The following MRAP2 variants were observed in gnomAD, a reference collection of about 807,000 sequenced individuals.
The protein encoded by MRAP2 is melanocortin 2 receptor accessory protein 2.
In MRAP2, 20 loss-of-function variants were observed where a neutral mutation model predicts 17.4. The observed-to-expected ratio is 1.15, with a 90% CI of 0.81 to 1.67. MRAP2 has a LOEUF of 1.67. Among genes scored for constraint, MRAP2 ranks in the 40% most tolerant of loss-of-function variants. The pLI is 0.00. For synonymous variants in MRAP2, 96 were observed against 88.4 expected (o/e 1.09, Z -0.48); for missense variants, 238 against 240.0 (o/e 0.99, Z 0.05).
intron 1 of MRAP2, among the ~76,000 whole-genome samples, chr6:84,045,514 G>A (rs2099488766): frequency 6.6e-6 from 1 of 152,054 alleles, no homozygotes; most frequent in South Asian, 2.1e-4. Flanking sequence ...TGTGATTCTA[G>A]CACTTTGGGA....
chr6:84,132,108 T>C, the MRAP2 span, among the ~76,000 whole-genome samples: 3 of 152,202 alleles, frequency 2.0e-5, no homozygotes, highest in Non-Finnish European at 4.4e-5. Flanking sequence ...CGAAGCTTAG[T>C]TTGGCTGGAT....
the MRAP2 span, among the ~76,000 whole-genome samples, chr6:84,120,588 C>G: frequency 1.3e-5 from 2 of 152,110 alleles, no homozygotes; most frequent in Admixed American, 6.6e-5. Context: ...AACTGAAGAC[C>G]TGCCATGTAT....
chr6:84,041,495 G>A lies in MRAP2; in HGVS notation c.-8+7612G>A, dbSNP rs6899315. On this transcript the variant is annotated intron_variant, in intron 1 of 3. Transcript: ENST00000257776. Reference sequence around the variant, plus strand: ...GGTGGATCCACTGATAGCTTGCCCCGTGCACCTGGAAAAGCCACAGACACT... The same window carrying A: ...GGTGGATCCACTGATAGCTTGCCCCATGCACCTGGAAAAGCCACAGACACT... Among the ~76,000 whole-genome samples the A allele has an allele frequency of 7.5e-3, 1,148 of 152,314 alleles. 19 individuals carry two copies. The highest frequency in any genetic ancestry group is 0.026 in the African/African-American group (1,065 of 41,578).
intron 1 of MRAP2, 69 bp downstream of exon 1, chr6:84,033,952 G>C (rs2099485253): frequency 2.0e-6 from 2 of 980,566 alleles, no homozygotes; most frequent in Non-Finnish European, 2.4e-6. Flanking sequence ...GGCGCGTGCA[G>C]CTTTGGTCAA....
chr6:84,077,957 A>G (rs2099498017), intron 3 of MRAP2, among the ~76,000 whole-genome samples: 1 of 152,214 alleles, frequency 6.6e-6, no homozygotes, highest in South Asian at 2.1e-4. Context: ...TATGGGTAAT[A>G]TGACTAAGAA....
At chr6:84,064,574 G>A (rs545898588) in intron 3 of MRAP2, among the ~76,000 whole-genome samples, 4 of 152,078 alleles carry the variant, frequency 2.6e-5, no homozygotes, top group East Asian at 1.9e-4. Context: ...TGCAAGCTCC[G>A]CCTCCCGGGT....
chr6:84,049,984 G>A (rs2099490018), intron 1 of MRAP2, among the ~76,000 whole-genome samples: 1 of 151,000 alleles, frequency 6.6e-6, no homozygotes, highest in Admixed American at 6.6e-5. Context: ...GTGCATTCAT[G>A]TGTGTGTGTG....
At chr6:84,109,848 G>A in the MRAP2 span, among the ~76,000 whole-genome samples, 7 of 151,538 alleles carry the variant, frequency 4.6e-5, no homozygotes, top group East Asian at 1.9e-4. Context: ...GAGAACGTGC[G>A]GTGTTTGGTT....
the MRAP2 span, among the ~76,000 whole-genome samples, chr6:84,114,718 C>T: frequency 6.6e-6 from 1 of 152,100 alleles, no homozygotes; most frequent in African/African-American, 2.4e-5. Flanking sequence ...GATTTATCTA[C>T]CTTTGCTCTT....
intron 1 of MRAP2, among the ~76,000 whole-genome samples, chr6:84,050,130 T>G (rs1263719008): frequency 1.3e-5 from 2 of 152,018 alleles, no homozygotes; most frequent in African/African-American, 4.8e-5. Flanking sequence ...CCTTTTTTCT[T>G]TAATTGGAGG....
At chr6:84,056,892 A>G (rs1175725522) in intron 2 of MRAP2, among the ~76,000 whole-genome samples, 1 of 152,214 alleles carries the variant, frequency 6.6e-6, no homozygotes, top group African/African-American at 2.4e-5. Flanking sequence ...TGAGGATATT[A>G]CATTCTAGAA....
At chr6:84,072,440 C>T (rs1361120545) in intron 3 of MRAP2, among the ~76,000 whole-genome samples, 1 of 152,192 alleles carries the variant, frequency 6.6e-6, no homozygotes, top group Non-Finnish European at 1.5e-5. Context: ...TTATGGGTCT[C>T]TCAGCCATGG....
In MRAP2 at chr6:84,088,316, G is replaced by A. The variant is rs143425786; in HGVS notation, c.228-775G>A. Among the ~76,000 whole-genome samples, 1,021 of 152,242 alleles carry A rather than the reference G, an allele frequency of 6.7e-3. 14 individuals carry two copies. Among genetic ancestry groups the A allele is most frequent in the African/African-American group, 0.022 (920 of 41,548 alleles). On this transcript the variant is annotated intron_variant, in intron 3 of 3. Transcript: ENST00000257776. ...AGCTTACCTGGGCTCTTTCTTTCAC[G>A]CACTTGTGGGACTCATTGAGAGTTA...
the MRAP2 span, among the ~76,000 whole-genome samples, chr6:84,125,609 C>T: frequency 6.6e-6 from 1 of 152,104 alleles, no homozygotes; most frequent in Non-Finnish European, 1.5e-5. Flanking sequence ...ACTAGAGACA[C>T]CGAAGAGATC....
In MRAP2 at chr6:84,067,747, TCTTA is replaced by T. The variant is rs1394018210; in HGVS notation, c.227+4758_227+4761del. The stretch of plus-strand genomic sequence containing the variant: ...ATGGAATTGTTTTTTTTTTTTTTTT[TCTTA>T]CTGATTTGTTTGAGTTCGTTGTAGA... On this transcript the variant is annotated intron_variant, in intron 3 of 3. Coordinates refer to ENST00000257776, the MANE Select transcript of MRAP2 (RefSeq NM_138409.4). 2.9e-5 allele frequency among the ~76,000 whole-genome samples: 4 copies of T among 139,706 alleles called. No homozygotes were observed. In the East Asian group the frequency reaches 8.0e-4, roughly 28 times the overall value. 91.7% of individuals were successfully genotyped at this position (139,706 alleles called of 152,430 possible).
the MRAP2 span, among the ~76,000 whole-genome samples, chr6:84,105,280 C>A: frequency 1.3e-5 from 2 of 152,106 alleles, no homozygotes. Flanking sequence ...TAAAGACATG[C>A]CTGAGACTGG....
intron 1 of MRAP2, among the ~76,000 whole-genome samples, chr6:84,042,128 A>G (rs894837966): frequency 1.3e-5 from 2 of 152,178 alleles, no homozygotes; most frequent in African/African-American, 4.8e-5. Flanking sequence ...GTGAGTTCTC[A>G]TGAGAGCTGA....
chr6:84,097,673 TCTA>T, the MRAP2 span, among the ~76,000 whole-genome samples: 2 of 150,962 alleles, frequency 1.3e-5, no homozygotes, highest in Non-Finnish European at 1.5e-5. Context: ...ATAAAAAGAC[TCTA>T]CTAACTCTAA....
At chr6:84,036,285 CA>C (rs1280472441) in intron 1 of MRAP2, among the ~76,000 whole-genome samples, 2 of 151,894 alleles carry the variant, frequency 1.3e-5, no homozygotes, top group African/African-American at 4.8e-5. Flanking sequence ...TTTTAATAAA[CA>C]AAATGAAAAA....
Sources: allele counts gnomAD v4.1 joint callset (sites outside exome capture counted in the v4.1 genomes callset), GRCh38; gene constraint gnomAD v4.1.1; transcripts MANE v1.5; gene names NCBI Gene and HGNC (gene_info 2026-07-23, HGNC 2026-07-21).